The following TBK1 variants were observed in gnomAD, a reference collection of about 807,000 sequenced individuals.
TBK1 encodes the protein serine/threonine-protein kinase TBK1.
In TBK1, 37 loss-of-function variants were observed where a neutral mutation model predicts 99.9. The ratio of observed to expected loss-of-function variants is 0.37; its 90% CI spans 0.28 to 0.49. TBK1 has a LOEUF of 0.49. Among genes scored for constraint, TBK1 ranks in the 20% least tolerant of loss-of-function variants. The probability of loss-of-function intolerance (pLI) is 0.98; values close to 1 mark genes in which losing one functional copy is unlikely to be tolerated. For missense variants in TBK1, 644 were observed against 872.5 expected (o/e 0.74, Z 3.30); for synonymous variants, 258 against 279.8 (o/e 0.92, Z 0.78).
intron 6 of TBK1, among the ~76,000 whole-genome samples, chr12:64,476,368 C>G (rs773728285): frequency 6.6e-6 from 1 of 151,788 alleles, no homozygotes; most frequent in Non-Finnish European, 1.5e-5. Flanking sequence ...CCATGTTAGC[C>G]AGGATGGTCT....
At chr12:64,495,898 A>T in intron 15 of TBK1, 123 bp downstream of exon 15, 13 of 577,642 alleles carry the variant, frequency 2.3e-5, no homozygotes, top group South Asian at 3.2e-5. Context: ...CAGAGATGTG[A>T]TTCTGTCAGG....
In TBK1 at chr12:64,484,415, C is replaced by A. The variant is rs759242065; in HGVS notation, c.1105C>A (p.His369Asn). ...LVLEPGRLAQ[H>N]FPKTTEENPI... ...CTTAGAACCTGGAAGGCTGGCACAA[C>A]ATTTCCCTAAAACTACTGAGGAAAA... Residue 369 changes from histidine to asparagine, a missense_variant, in exon 9 of 21, where the codon CAT (histidine) becomes AAT (asparagine). His to Asn is a moderately conservative substitution (Grantham distance 68, BLOSUM62 1). Coordinates refer to ENST00000331710, the MANE Select transcript of TBK1 (RefSeq NM_013254.4). 7 of 1,614,012 alleles carry A rather than the reference C, an allele frequency of 4.3e-6. No homozygotes were observed. The Admixed American group carries it at 6.7e-5, about 15-fold the overall frequency.
chr12:64,482,590 A>G (rs550653310), intron 8 of TBK1, among the ~76,000 whole-genome samples: 64 of 152,340 alleles, frequency 4.2e-4, no homozygotes, highest in African/African-American at 1.5e-3. Context: ...ATGATGGACC[A>G]TATATACAAC....
In TBK1 at chr12:64,496,382, A is replaced by G; in HGVS notation, c.1736A>G (p.Glu579Gly). 1 of 1,235,822 alleles carries G rather than the reference A, an allele frequency of 8.1e-7. No homozygotes were observed. The highest frequency in any genetic ancestry group is 1.1e-6 in the Non-Finnish European group (1 of 882,064). 76.6% of individuals were successfully genotyped at this position (1,235,822 alleles called of 1,614,324 possible). The change falls in exon 16 of 21, where the codon GAA becomes GGA. Residue 579 changes from glutamate (E) to glycine (G), a missense_variant. By Grantham distance (98) the Glu-to-Gly change is moderately conservative (BLOSUM62 -2). Transcript: ENST00000331710. ...CTATTTCTAGGATTAGCTTATAATG[A>G]AGAACAAATCCACAAATTTGATAAG... ...DKAERRLAYNEEQIHKFDKQK... is the reference protein window; with the variant it reads ...DKAERRLAYNGEQIHKFDKQK...
chr12:64,471,685 T>G (rs2040663910), intron 5 of TBK1, among the ~76,000 whole-genome samples: 1 of 152,168 alleles, frequency 6.6e-6, no homozygotes, highest in South Asian at 2.1e-4. Flanking sequence ...ATGGATATCA[T>G]CTCAGTAATA....
In TBK1 at chr12:64,495,528, G is replaced by A. The variant is rs139195702; in HGVS notation, c.1567G>A (p.Asp523Asn). 23 of 1,614,000 alleles carry A rather than the reference G, an allele frequency of 1.4e-5. No individual in the cohort carries two copies. In the African/African-American group the frequency reaches 1.6e-4, roughly 11 times the overall value. Residue 523 changes from aspartate (D) to asparagine (N), a missense_variant, in exon 14 of 21, where the codon GAC (aspartate) becomes AAC (asparagine). Coordinates refer to ENST00000331710, the MANE Select transcript of TBK1 (RefSeq NM_013254.4). ...AATAGAAACCAGTCTTCAGGATATCGACAGCAGATTATCTCCAGGTGGATC... is the reference window on the plus strand; with the variant it reads ...AATAGAAACCAGTCTTCAGGATATCAACAGCAGATTATCTCCAGGTGGATC... ...GTIETSLQDI[D>N]SRLSPGGSLA...
intron 6 of TBK1, among the ~76,000 whole-genome samples, chr12:64,478,929 CAT>C (rs1482275103): frequency 1.1e-4 from 17 of 152,286 alleles, no homozygotes; most frequent in Middle Eastern, 3.4e-3. Context: ...ATAAAGGAAA[CAT>C]GTGACTCATA....
intron 12 of TBK1, among the ~76,000 whole-genome samples, chr12:64,488,863 A>T (rs1420402822): frequency 1.3e-5 from 2 of 152,108 alleles, no homozygotes; most frequent in African/African-American, 4.8e-5. Context: ...GTGGTGGCGC[A>T]CGCCTGTAGT....
At chr12:64,460,617 T>C (rs1005226352) in intron 3 of TBK1, among the ~76,000 whole-genome samples, 1 of 151,996 alleles carries the variant, frequency 6.6e-6, no homozygotes, top group Non-Finnish European at 1.5e-5. Flanking sequence ...AGGTAGATCA[T>C]GCGGTCAAGA....
chr12:64,463,864 T>TG (rs1360818574), intron 3 of TBK1, among the ~76,000 whole-genome samples: 13 of 124,406 alleles, frequency 1.0e-4, no homozygotes, highest in Non-Finnish European at 5.1e-5. Context: ...TTAGTTTTTT[T>TG]TTTTTGTTTT....
chr12:64,456,907 A>G (rs2040495587), intron 2 of TBK1, among the ~76,000 whole-genome samples: 1 of 152,098 alleles, frequency 6.6e-6, no homozygotes, highest in African/African-American at 2.4e-5. Flanking sequence ...AGTTAAAATA[A>G]TTTAAAATTA....
At chr12:64,498,571 G>C (rs1249521592) in intron 20 of TBK1, among the ~76,000 whole-genome samples, 2 of 152,236 alleles carry the variant, frequency 1.3e-5, no homozygotes, top group Non-Finnish European at 2.9e-5. Flanking sequence ...GAGAAATTAA[G>C]TCATATTTGG....
Position 64,501,439 on chromosome 12 carries a change from A to G in TBK1, c.*58A>G. 6.6e-7 allele frequency: 1 copy of G among 1,526,556 alleles called. No homozygotes were observed. The highest frequency in any genetic ancestry group is 9.0e-7 in the Non-Finnish European group (1 of 1,106,694). 94.6% of individuals were successfully genotyped at this position (1,526,556 alleles called of 1,614,324 possible). A position where few individuals can be genotyped will look rare whatever the true frequency, so the allele number is the denominator to read the frequency against. ...TTGCACAAGAAAATAACGCTTGGGC[A>G]TTAAATGAATGCCTTTATAGATAGT... On this transcript the variant is annotated 3_prime_UTR_variant, in exon 21 of 21. Coordinates refer to ENST00000331710, the MANE Select transcript of TBK1 (RefSeq NM_013254.4).
In TBK1 at chr12:64,452,793, G is replaced by C. The variant is rs529010068; in HGVS notation, c.-32+606G>C. The C allele has an allele frequency of 3.3e-5, 5 of 152,268 alleles. No individual in the cohort carries two copies. The East Asian group carries it at 9.6e-4, about 29-fold the overall frequency. 9.4% of individuals were successfully genotyped at this position (152,268 alleles called of 1,614,324 possible). Reference sequence around the variant, plus strand: ...ATTCCCAGACATTTCCTTGCTCCTCGTCTACCTGGCTTATGGGTTTAATTT... The same window carrying C: ...ATTCCCAGACATTTCCTTGCTCCTCCTCTACCTGGCTTATGGGTTTAATTT... On this transcript the variant is annotated intron_variant, in intron 1 of 20. Transcript: ENST00000331710.
At chr12:64,467,873 A>G (rs1011308775) in intron 5 of TBK1, among the ~76,000 whole-genome samples, 1 of 152,174 alleles carries the variant, frequency 6.6e-6, no homozygotes, top group African/African-American at 2.4e-5. Flanking sequence ...TGATCTGTAG[A>G]TATATGTGAT....
chr12:64,482,764 A>G (rs555514798), intron 8 of TBK1, among the ~76,000 whole-genome samples: 1 of 152,292 alleles, frequency 6.6e-6, no homozygotes, highest in Admixed American at 6.5e-5. Flanking sequence ...TAGGCTAGCT[A>G]CCCTATATAG....
At chr12:64,460,810 G>A (rs1269830308) in intron 3 of TBK1, among the ~76,000 whole-genome samples, 1 of 145,376 alleles carries the variant, frequency 6.9e-6, no homozygotes, top group Non-Finnish European at 1.5e-5. Flanking sequence ...CTCCAGCCTG[G>A]CAACAGAGGG....
intron 8 of TBK1, among the ~76,000 whole-genome samples, chr12:64,483,836 G>C (rs2040791392): frequency 6.6e-6 from 1 of 152,088 alleles, no homozygotes. Flanking sequence ...GCGTAACCCT[G>C]TCTCTATTAA....
chr12:64,455,048 C>T (rs979015023), intron 1 of TBK1, among the ~76,000 whole-genome samples: 1 of 141,814 alleles, frequency 7.1e-6, no homozygotes, highest in African/African-American at 2.7e-5. Flanking sequence ...AATAGGGTGG[C>T]ACGATTTCAG....
Sources: gnomAD v4.1 joint callset for allele counts (sites outside exome capture counted in the v4.1 genomes callset) on GRCh38, gnomAD v4.1.1 for gene constraint, MANE v1.5 for transcripts, NCBI Gene and HGNC (gene_info 2026-07-23, HGNC 2026-07-21) for gene names.